The following VIRMA variants were observed in gnomAD, a reference collection of about 807,000 sequenced individuals.
VIRMA encodes the protein protein virilizer homolog.
Under a neutral mutation model 182.4 loss-of-function variants are expected in VIRMA, and 65 were observed. The ratio of observed to expected loss-of-function variants is 0.36; its 90% CI spans 0.29 to 0.44. The LOEUF is 0.44. Among genes scored for constraint, VIRMA ranks in the 20% least tolerant of loss-of-function variants. VIRMA has a pLI of 1.00. For missense variants in VIRMA, 1,752 were observed against 2,158.1 expected (o/e 0.81, Z 3.73); for synonymous variants, 709 against 743.1 (o/e 0.95, Z 0.75).
chr8:94,545,679 T>A (rs1815732741), intron 1 of VIRMA, among the ~76,000 whole-genome samples: 1 of 151,616 alleles, frequency 6.6e-6, no homozygotes, highest in Admixed American at 6.6e-5. Context: ...TTCAGAGGGG[T>A]ATTTAGGTCC....
chr8:94,523,422 T>G (rs1814842636), intron 8 of VIRMA, among the ~76,000 whole-genome samples: 1 of 152,174 alleles, frequency 6.6e-6, no homozygotes. Flanking sequence ...CCAAATTTCT[T>G]GTTTTGAGAC....
Position 94,526,307 on chromosome 8 carries a change from A to C in VIRMA, c.1937T>G (p.Ile646Ser). ...HLMETAPHTM[I>S]QQPVKSFPTM... ...TGGGAAAGACTTAACAGGTTGTTGG[A>C]TCATTGTATGAGGGGCAGTTTCCAT... The change falls in exon 8 of 24, where the codon ATC becomes AGC. Residue 646 changes from isoleucine to serine, a missense_variant. Ile to Ser is a moderately radical substitution (Grantham distance 142). This residue lies in a region of VIRMA where 401 missense variants were observed against 455.1 expected (regional missense o/e 0.88). Coordinates refer to ENST00000297591, the MANE Select transcript of VIRMA (RefSeq NM_015496.5). 1.9e-6 allele frequency: 3 copies of C among 1,614,074 alleles called. No individual in the cohort carries two copies. The East Asian group carries it at 6.7e-5, about 36-fold the overall frequency.
Position 94,538,257 on chromosome 8 carries a change from T to C in VIRMA, c.266+3A>G, listed in dbSNP as rs1815411063. ...CTGGTGAAATTACCTAGCAGGTACA[T>C]ACCTTCCCAACCTATCGAAAACAGG... On this transcript the variant is annotated splice_donor_region_variant and intron_variant, in intron 3 of 23. Transcript: ENST00000297591. 6.2e-7 allele frequency: 1 copy of C among 1,601,614 alleles called. No individual in the cohort carries two copies. The highest frequency in any genetic ancestry group is 8.6e-7 in the Non-Finnish European group (1 of 1,168,950).
intron 17 of VIRMA, chr8:94,498,205 T>C (rs903422671): frequency 2.6e-5 from 4 of 152,202 alleles, no homozygotes; most frequent in Non-Finnish European, 4.4e-5. Context: ...CTTCTGGAAT[T>C]GTGCTCATAA....
At chr8:94,506,333 T>C (rs142148191) in intron 16 of VIRMA, among the ~76,000 whole-genome samples, 167 bp downstream of exon 16, 1 of 152,352 alleles carries the variant, frequency 6.6e-6, no homozygotes, top group Non-Finnish European at 1.5e-5. Context: ...ATTATTAGCA[T>C]GACCTTTCAT....
Position 94,534,894 on chromosome 8 carries a change from A to AGGT in VIRMA, c.426_428dup (p.Pro149dup). On this transcript the variant is annotated inframe_insertion, in exon 5 of 24. Coordinates refer to ENST00000297591, the MANE Select transcript of VIRMA (RefSeq NM_015496.5). ...GTGGCTGGGGAGGTGGTGGCGGTGG[A>AGGT]GGTGGTGGTGGTGGAGAGTCTCTGT... 7.0e-7 allele frequency: 1 copy of AGGT among 1,423,284 alleles called. No individual in the cohort carries two copies. The highest frequency in any genetic ancestry group is 1.4e-5 in the African/African-American group (1 of 70,838). The allele number at this position is 1,423,284 out of a possible 1,614,324, so 88.2% of individuals were successfully genotyped here.
intron 18 of VIRMA, 164 bp downstream of exon 18, chr8:94,496,164 A>G (rs1813766918): frequency 3.0e-6 from 2 of 672,354 alleles, no homozygotes; most frequent in African/African-American, 3.6e-5. Flanking sequence ...TCATAACAGG[A>G]TGGAGGACTT....
At chr8:94,553,210 G>A (rs903090102) in intron 1 of VIRMA, among the ~76,000 whole-genome samples, 175 bp downstream of exon 1, 4 of 152,158 alleles carry the variant, frequency 2.6e-5, no homozygotes, top group Admixed American at 6.5e-5. Context: ...AAATGAAGGG[G>A]CTGCTGCAGC....
chr8:94,550,183 T>C (rs892371114), intron 1 of VIRMA, among the ~76,000 whole-genome samples: 2 of 152,130 alleles, frequency 1.3e-5, no homozygotes, highest in African/African-American at 4.8e-5. Flanking sequence ...AATTAAGCAT[T>C]CAATAAATGT....
intron 2 of VIRMA, among the ~76,000 whole-genome samples, chr8:94,542,282 G>A (rs1179561341): frequency 6.6e-6 from 1 of 152,142 alleles, no homozygotes; most frequent in African/African-American, 2.4e-5. Flanking sequence ...CTCACTCTTA[G>A]ATCACTCACT....
At chr8:94,518,140 A>T (rs1814626138) in intron 9 of VIRMA, among the ~76,000 whole-genome samples, 198 bp from the exon 10 acceptor site, 1 of 152,238 alleles carries the variant, frequency 6.6e-6, no homozygotes, top group Non-Finnish European at 1.5e-5. Context: ...TTAAAAGTAT[A>T]TAAAAAAGCA....
chr8:94,541,565 G>A (rs528595201), intron 2 of VIRMA, among the ~76,000 whole-genome samples: 1 of 150,718 alleles, frequency 6.6e-6, no homozygotes, highest in African/African-American at 2.4e-5. Context: ...TTTTTAAGAT[G>A]GAGTCTCGCT....
chr8:94,512,237 A>G (rs1274152988), intron 11 of VIRMA, 148 bp from the exon 12 acceptor site: 5 of 336,934 alleles, frequency 1.5e-5, no homozygotes, highest in African/African-American at 1.1e-4. Context: ...TAAAACATGA[A>G]CAAGGCCCTA....
chr8:94,509,641 CACACAT>C (rs757642825), intron 15 of VIRMA, 41 bp downstream of exon 15: 5 of 1,552,032 alleles, frequency 3.2e-6, no homozygotes, highest in Non-Finnish European at 3.5e-6. Context: ...CACACACACA[CACACAT>C]ACACATGCAG....
Position 94,543,893 on chromosome 8 carries a change from T to C in VIRMA, c.113A>G (p.Asn38Ser), listed in dbSNP as rs1244061624. 9 of 1,613,384 alleles carry C rather than the reference T, an allele frequency of 5.6e-6. No homozygotes were observed. Among genetic ancestry groups the C allele is most frequent in the African/African-American group, 5.3e-5 (4 of 74,890 alleles). ...TCCTGGGGGTATGACTCGGACTTCA[T>C]TGATATAAACCACACATGGAAAACG... The part of the protein sequence containing the change: ...VVRFPCVVYI[N>S]EVRVIPPGVR... Residue 38 changes from asparagine to serine, a missense_variant, in exon 2 of 24, where the codon AAT (asparagine) becomes AGT (serine). Physicochemically the swap from Asn to Ser is conservative, Grantham distance 46. Around this residue, in one of 11 missense-constraint regions of VIRMA, gnomAD observed 195 missense variants for 191.7 expected, o/e 1.02. Transcript: ENST00000297591.
Position 94,494,959 on chromosome 8 carries a change from G to C in VIRMA, c.4545-3C>G. On this transcript the variant is annotated splice_region_variant and splice_polypyrimidine_tract_variant and intron_variant, in intron 19 of 23. Transcript: ENST00000297591. ...CATCAGCAAGCACATAGGCAGTCCT[G>C]GAACAAGAAAAGTATCTGGTGAAAA... 1 of 1,582,296 alleles carries C rather than the reference G, an allele frequency of 6.3e-7. No individual in the cohort carries two copies. Among genetic ancestry groups the C allele is most frequent in the Non-Finnish European group, 8.6e-7 (1 of 1,156,898 alleles).
In VIRMA at chr8:94,506,773, A is replaced by C. The variant is rs1053603095; in HGVS notation, c.3880-56T>G. 3 of 1,070,656 alleles carry C rather than the reference A, an allele frequency of 2.8e-6. No homozygotes were observed. In the African/African-American group the frequency reaches 4.7e-5, roughly 17 times the overall value. The allele number at this position is 1,070,656 out of a possible 1,614,324, so 66.3% of individuals were successfully genotyped here. On this transcript the variant is annotated intron_variant, in intron 15 of 23. Coordinates refer to ENST00000297591, the MANE Select transcript of VIRMA (RefSeq NM_015496.5). ...TTTTAAATAATTATCACCATCACTTAGCACTTTTGAGAAATACATAGCAAT... is the reference window on the plus strand; with the variant it reads ...TTTTAAATAATTATCACCATCACTTCGCACTTTTGAGAAATACATAGCAAT...
At chr8:94,532,278 TG>T (rs1399208362) in intron 5 of VIRMA, among the ~76,000 whole-genome samples, 2 of 152,174 alleles carry the variant, frequency 1.3e-5, no homozygotes, top group Non-Finnish European at 2.9e-5. Flanking sequence ...AGCAAATTTT[TG>T]TATTTTTAGT....
chr8:94,540,029 T>G (rs965241995), intron 2 of VIRMA, among the ~76,000 whole-genome samples: 4 of 152,184 alleles, frequency 2.6e-5, no homozygotes, highest in African/African-American at 9.7e-5. Flanking sequence ...TTATAAATTA[T>G]CCAGTATGTG....
Sources: allele counts gnomAD v4.1 joint callset (sites outside exome capture counted in the v4.1 genomes callset), GRCh38; gene constraint gnomAD v4.1.1; regional missense constraint gnomAD v4.1.1; transcripts MANE v1.5; gene names NCBI Gene and HGNC (gene_info 2026-07-23, HGNC 2026-07-21).